The following ZCCHC7 variants were observed in gnomAD, a reference collection of about 807,000 sequenced individuals.
ZCCHC7 encodes zinc finger CCHC-type containing 7.
Under a neutral mutation model 52.0 loss-of-function variants are expected in ZCCHC7, and 35 were observed. The ratio of observed to expected loss-of-function variants is 0.67; its 90% CI spans 0.51 to 0.89. The LOEUF (loss-of-function observed/expected upper bound fraction) is 0.89, where lower values mean the gene tolerates loss of function less well. ZCCHC7 is among the 40% of genes least tolerant of loss of function. The pLI, the probability that ZCCHC7 is intolerant of heterozygous loss-of-function variation, is 0.00. For synonymous variants in ZCCHC7, 217 were observed against 221.5 expected, an observed-to-expected ratio of 0.98 and a Z score of 0.18; for missense variants, 574 against 649.1, an observed-to-expected ratio of 0.88 and a Z score of 1.26.
chr9:37,169,406 T>C (rs1050943442), intron 2 of ZCCHC7, among the ~76,000 whole-genome samples: 1 of 152,152 alleles, frequency 6.6e-6, no homozygotes, highest in Non-Finnish European at 1.5e-5. Flanking sequence ...CCGCTAGAGG[T>C]GAGATGTCAT....
chr9:37,274,005 A>C (rs948705015), intron 2 of ZCCHC7, among the ~76,000 whole-genome samples: 2 of 152,206 alleles, frequency 1.3e-5, no homozygotes, highest in African/African-American at 4.8e-5. Flanking sequence ...AATTTTAAAA[A>C]GTTGCAAAAA....
intron 6 of ZCCHC7, among the ~76,000 whole-genome samples, chr9:37,339,650 T>C (rs1417450271): frequency 6.6e-6 from 1 of 152,238 alleles, no homozygotes; most frequent in Non-Finnish European, 1.5e-5. Flanking sequence ...CTCAGTGTTA[T>C]ATTTGGTTAT....
intron 2 of ZCCHC7, among the ~76,000 whole-genome samples, chr9:37,223,174 G>A (rs971276677): frequency 3.3e-5 from 5 of 152,044 alleles, no homozygotes; most frequent in Non-Finnish European, 5.9e-5. Flanking sequence ...AGTCTTAAAT[G>A]TAATAGATAC....
At chr9:37,236,728 T>C (rs1360884180) in intron 2 of ZCCHC7, among the ~76,000 whole-genome samples, 3 of 152,174 alleles carry the variant, frequency 2.0e-5, no homozygotes, top group South Asian at 4.1e-4. Flanking sequence ...ATGCATAGCA[T>C]ACAGTAAACC....
At chr9:37,236,196 C>T (rs893136085) in intron 2 of ZCCHC7, among the ~76,000 whole-genome samples, 3 of 152,154 alleles carry the variant, frequency 2.0e-5, no homozygotes, top group African/African-American at 7.2e-5. Flanking sequence ...CATTTCTCCA[C>T]ATCTATGCCA....
intron 2 of ZCCHC7, among the ~76,000 whole-genome samples, chr9:37,282,604 CA>C (rs60743608): frequency 0.19 from 10,051 of 52,666 alleles, 151 homozygotes; most frequent in Non-Finnish European, 0.23. Flanking sequence ...GACTCTGTCT[CA>C]AAAAAAAAAA....
At chr9:37,311,510 T>A (rs1198566047) in intron 5 of ZCCHC7, among the ~76,000 whole-genome samples, 2 of 152,100 alleles carry the variant, frequency 1.3e-5, no homozygotes, top group African/African-American at 4.8e-5. Flanking sequence ...CCTCCCAGAT[T>A]CGAGCAATTC....
At chr9:37,268,364 C>A (rs1196028795) in intron 2 of ZCCHC7, among the ~76,000 whole-genome samples, 1 of 150,660 alleles carries the variant, frequency 6.6e-6, no homozygotes, top group Admixed American at 6.6e-5. Flanking sequence ...AAGTAGTAAA[C>A]TTCAAAAGTC....
rs1011476797 is a variant in ZCCHC7 at position 37,224,167 on chromosome 9, C to T, written c.611-78021C>T. Among the ~76,000 whole-genome samples, 6 of 152,026 alleles carry T rather than the reference C, an allele frequency of 3.9e-5. No individual in the cohort carries two copies. In the East Asian group the frequency reaches 9.6e-4, roughly 24 times the overall value. The stretch of plus-strand genomic sequence containing the variant: ...TTTTTATAATTGATTATACCGCTTG[C>T]GAGAGTTTGAGATACTCTTAAGAAT... On this transcript the variant is annotated intron_variant, in intron 2 of 8. Transcript: ENST00000336755.
At position 37,207,095 on chromosome 9, in the gene ZCCHC7, C is replaced by T. The variant is rs1823959613; in HGVS notation, c.610+80153C>T. Among the ~76,000 whole-genome samples, 7 of 152,138 alleles carry T rather than the reference C, an allele frequency of 4.6e-5. No homozygotes were observed. In the South Asian group the frequency reaches 1.2e-3, roughly 27 times the overall value. ...GAGCTATGATCTTACCACTGTACTCCAGCCTGGATGACAAAGCCAGACTCT... is the reference window on the plus strand; with the variant it reads ...GAGCTATGATCTTACCACTGTACTCTAGCCTGGATGACAAAGCCAGACTCT... On this transcript the variant is annotated intron_variant, in intron 2 of 8. Coordinates refer to ENST00000336755, the MANE Select transcript of ZCCHC7 (RefSeq NM_032226.3).
At position 37,303,323 on chromosome 9, in the gene ZCCHC7, G is replaced by T. The variant is rs982015258; in HGVS notation, c.655-865G>T. On this transcript the variant is annotated intron_variant, in intron 3 of 8. Coordinates refer to ENST00000336755, the MANE Select transcript of ZCCHC7 (RefSeq NM_032226.3). The stretch of plus-strand genomic sequence containing the variant: ...GCCTGTAGTCCCAGCTACTCGGAAG[G>T]CTGAGGCAGGAGAATCGCTTGAACC... 3.9e-5 allele frequency among the ~76,000 whole-genome samples: 6 copies of T among 151,940 alleles called. No homozygotes were observed. In the South Asian group the frequency reaches 1.2e-3, roughly 32 times the overall value.
At chr9:37,177,273 T>C (rs567316315) in intron 2 of ZCCHC7, among the ~76,000 whole-genome samples, 1 of 152,256 alleles carries the variant, frequency 6.6e-6, no homozygotes, top group African/African-American at 2.4e-5. Flanking sequence ...AGGTGGAGTT[T>C]GCAGTGAGCT....
chr9:37,214,738 A>C (rs899799726), intron 2 of ZCCHC7, among the ~76,000 whole-genome samples: 5 of 151,972 alleles, frequency 3.3e-5, no homozygotes, highest in African/African-American at 1.2e-4. Flanking sequence ...ATTCTGTACA[A>C]TAATTGTTGG....
intron 2 of ZCCHC7, among the ~76,000 whole-genome samples, chr9:37,243,791 A>T (rs143789241): frequency 6.6e-6 from 1 of 151,908 alleles, no homozygotes; most frequent in African/African-American, 2.4e-5. Context: ...CAACTGTATC[A>T]GCAAAATGTT....
At chr9:37,346,606 G>C (rs1588702985) in intron 6 of ZCCHC7, among the ~76,000 whole-genome samples, 1 of 152,284 alleles carries the variant, frequency 6.6e-6, no homozygotes, top group East Asian at 1.9e-4. Context: ...AGCCCAGGAG[G>C]TGGTGTTGTG....
intron 2 of ZCCHC7, among the ~76,000 whole-genome samples, chr9:37,207,497 G>GTTTTTTTTTTTTTTTTTTTTTCTTT (rs3074709): frequency 1.1e-5 from 1 of 94,142 alleles, no homozygotes; most frequent in Non-Finnish European, 2.1e-5. Flanking sequence ...TTTCTCCAGA[G>GTTTTTTTTTTTTTTTTTTTTTCTTT]TTTTTTTTTT....
chr9:37,281,365 T>A (rs1301911884), intron 2 of ZCCHC7, among the ~76,000 whole-genome samples: 1 of 152,198 alleles, frequency 6.6e-6, no homozygotes, highest in Non-Finnish European at 1.5e-5. Flanking sequence ...ATAGAAGAGA[T>A]TGTGACATAG....
intron 2 of ZCCHC7, among the ~76,000 whole-genome samples, chr9:37,213,371 A>G (rs1824340128): frequency 1.3e-5 from 2 of 152,188 alleles, no homozygotes; most frequent in African/African-American, 4.8e-5. Flanking sequence ...CAGGATGAAT[A>G]AAGACAGACT....
chr9:37,169,914 A>C (rs1003289441), intron 2 of ZCCHC7, among the ~76,000 whole-genome samples: 1 of 152,066 alleles, frequency 6.6e-6, no homozygotes, highest in African/African-American at 2.4e-5. Flanking sequence ...AAAAATACAA[A>C]AGATAGGGCT....
Sources: gnomAD v4.1 joint callset for allele counts (sites outside exome capture counted in the v4.1 genomes callset) on GRCh38, gnomAD v4.1.1 for gene constraint, MANE v1.5 for transcripts, NCBI Gene and HGNC (gene_info 2026-07-23, HGNC 2026-07-21) for gene names.